The following ZNF676 variants were observed in gnomAD, a reference collection of about 807,000 sequenced individuals.
ZNF676 encodes the protein zinc finger protein 676.
A neutral mutation model predicts 6.0 loss-of-function variants in ZNF676; 4 were observed. The observed-to-expected ratio is 0.67, with a 90% CI of 0.33 to 1.53. The LOEUF is 1.53. ZNF676 is among the 40% of genes most tolerant of loss of function. The pLI is 0.06. For missense variants in ZNF676, 644 were observed against 679.7 expected, an observed-to-expected ratio of 0.95 and a Z score of 0.58; for synonymous variants, 198 against 223.1, an observed-to-expected ratio of 0.89 and a Z score of 1.00.
chr19:22,211,451 G>A (rs2144822806), intron 1 of ZNF676, among the ~76,000 whole-genome samples: 1 of 152,256 alleles, frequency 6.6e-6, no homozygotes, highest in African/African-American at 2.4e-5. Flanking sequence ...TTGAAACTAA[G>A]TGTTTGAAAA....
intron 1 of ZNF676, among the ~76,000 whole-genome samples, chr19:22,206,685 A>G (rs2024079631): frequency 6.6e-6 from 1 of 152,082 alleles, no homozygotes; most frequent in South Asian, 2.1e-4. Flanking sequence ...AAAAAAAAAA[A>G]AGAAATCTTC....
rs74174059 is a variant in ZNF676, at chr19:22,190,630, CATATATATAT to C, written c.130+2376_130+2385del. On this transcript the variant is annotated intron_variant, in intron 2 of 2. Transcript: ENST00000397121. ...ATTAGACTAATAAAATAGAATGCAA[CATATATATAT>C]ATATATATATATATATATATATATA... Among the ~76,000 whole-genome samples the C allele has an allele frequency of 6.8e-3, 454 of 66,812 alleles. 6 individuals are homozygous for C. The highest frequency in any genetic ancestry group is 0.019 in the Middle Eastern group (1 of 52). 43.8% of individuals were successfully genotyped at this position (66,812 alleles called of 152,430 possible). A position where few individuals can be genotyped will look rare whatever the true frequency, so the allele number is the denominator to read the frequency against.
the ZNF676 span, among the ~76,000 whole-genome samples, chr19:22,220,937 A>G: frequency 9.2e-5 from 14 of 152,092 alleles, no homozygotes; most frequent in African/African-American, 3.4e-4. Context: ...TTTTATTTCT[A>G]ATTGAGCATA....
At chr19:22,189,448 A>G (rs1223291868) in intron 2 of ZNF676, among the ~76,000 whole-genome samples, 1 of 152,172 alleles carries the variant, frequency 6.6e-6, no homozygotes, top group Non-Finnish European at 1.5e-5. Flanking sequence ...ACTACTCAGG[A>G]CACAAGCATG....
chr19:22,185,057 C>T lies in ZNF676; in HGVS notation c.131-3471G>A, dbSNP rs118056780. Among the ~76,000 whole-genome samples the T allele has an allele frequency of 4.3e-4, 65 of 152,142 alleles. No individual in the cohort carries two copies. The East Asian group carries it at 0.011, about 27-fold the overall frequency. Reference sequence around the variant, plus strand: ...CCACCTCAAGTTGGTCCCTGACATCCGTGTCTCCTGATTAAGAGACACCTC... The same window carrying T: ...CCACCTCAAGTTGGTCCCTGACATCTGTGTCTCCTGATTAAGAGACACCTC... On this transcript the variant is annotated intron_variant, in intron 2 of 2. Transcript: ENST00000397121.
chr19:22,238,765 G>A, the ZNF676 span, among the ~76,000 whole-genome samples: 1 of 152,170 alleles, frequency 6.6e-6, no homozygotes, highest in South Asian at 2.1e-4. Flanking sequence ...TTCCAAAACT[G>A]AAGAACTTGG....
the ZNF676 span, among the ~76,000 whole-genome samples, chr19:22,248,939 AG>A: frequency 6.6e-6 from 1 of 152,218 alleles, no homozygotes; most frequent in African/African-American, 2.4e-5. Context: ...CATGTTGGTC[AG>A]GCTGGTCTCG....
At position 22,196,760 on chromosome 19, in the gene ZNF676, A is replaced by G; in HGVS notation, c.-127T>C. On this transcript the variant is annotated 5_prime_UTR_variant, in exon 1 of 3. Transcript: ENST00000397121. ...CACACACAAACACATATATTTACCA[A>G]TTGGTCATGGGCAGAACTTTTAATG... The G allele has an allele frequency of 6.4e-7, 1 of 1,561,496 alleles. No individual in the cohort carries two copies. Among genetic ancestry groups the G allele is most frequent in the East Asian group, 2.2e-5 (1 of 44,560 alleles).
the ZNF676 span, among the ~76,000 whole-genome samples, chr19:22,237,217 G>C: frequency 6.6e-6 from 1 of 152,106 alleles, no homozygotes; most frequent in Admixed American, 6.6e-5. Flanking sequence ...GGCATTTCCA[G>C]CTCACTCACA....
the ZNF676 span, among the ~76,000 whole-genome samples, chr19:22,228,736 G>C: frequency 5.3e-5 from 8 of 152,158 alleles, no homozygotes; most frequent in Non-Finnish European, 8.8e-5. Flanking sequence ...GCCAAATCAT[G>C]ACTGAGCTCC....
chr19:22,182,224 G>A (rs1415684343), intron 2 of ZNF676, among the ~76,000 whole-genome samples: 1 of 151,916 alleles, frequency 6.6e-6, no homozygotes, highest in African/African-American at 2.4e-5. Flanking sequence ...AGACAAACCT[G>A]AAGATGTTTG....
At chr19:22,223,585 A>G in the ZNF676 span, among the ~76,000 whole-genome samples, 2 of 150,310 alleles carry the variant, frequency 1.3e-5, no homozygotes, top group Admixed American at 1.3e-4. Context: ...CCTATTTCAA[A>G]TTTCTCTGTT....
intron 1 of ZNF676, among the ~76,000 whole-genome samples, chr19:22,213,126 A>C (rs2024147340): frequency 6.6e-6 from 1 of 152,156 alleles, no homozygotes; most frequent in South Asian, 2.1e-4. Context: ...CAGCCACCCC[A>C]TCCTGTTCAC....
At chr19:22,212,431 T>G (rs919888050) in intron 1 of ZNF676, among the ~76,000 whole-genome samples, 4 of 152,156 alleles carry the variant, frequency 2.6e-5, no homozygotes, top group East Asian at 1.9e-4. Context: ...CCGGGCACAG[T>G]GGCTCACACC....
At chr19:22,250,607 G>GT in the ZNF676 span, among the ~76,000 whole-genome samples, 34 of 151,582 alleles carry the variant, frequency 2.2e-4, 1 homozygote, top group African/African-American at 5.8e-4. Flanking sequence ...TTGTTTGTTT[G>GT]TTTTTTGGTC....
In ZNF676 at chr19:22,179,572, GGGTTGAGAACTAATGAAAA is replaced by G; in HGVS notation, c.*359_*377del. ...GTATAAATTCCCTTATGTTCAGTAA[GGGTTGAGAACTAATGAAAA>G]GCTTTGCCACGTTTTTCACATTTGT... On this transcript the variant is annotated 3_prime_UTR_variant, in exon 3 of 3. Coordinates refer to ENST00000397121, the MANE Select transcript of ZNF676 (RefSeq NM_001001411.3). 1 of 443,382 alleles carries G rather than the reference GGGTTGAGAACTAATGAAAA, an allele frequency of 2.3e-6. No homozygotes were observed. The highest frequency in any genetic ancestry group is 3.4e-4 in the Middle Eastern group (1 of 2,928). 27.5% of individuals were successfully genotyped at this position (443,382 alleles called of 1,614,324 possible).
At chr19:22,232,403 TGATCTG>T in the ZNF676 span, among the ~76,000 whole-genome samples, 1 of 152,160 alleles carries the variant, frequency 6.6e-6, no homozygotes, top group Non-Finnish European at 1.5e-5. Context: ...CTTGACCTTG[TGATCTG>T]CCTGCCTTGT....
At chr19:22,188,369 A>G (rs576114012) in intron 2 of ZNF676, among the ~76,000 whole-genome samples, 11 of 152,294 alleles carry the variant, frequency 7.2e-5, no homozygotes, top group African/African-American at 1.9e-4. Context: ...TCTCAAAATA[A>G]TAAGATGTAT....
the ZNF676 span, among the ~76,000 whole-genome samples, chr19:22,247,423 G>A: frequency 6.6e-6 from 1 of 152,030 alleles, no homozygotes; most frequent in Non-Finnish European, 1.5e-5. Flanking sequence ...AACTAGCTGG[G>A]CGTGTTGACA....
Sources: allele counts gnomAD v4.1 joint callset (sites outside exome capture counted in the v4.1 genomes callset), GRCh38; gene constraint gnomAD v4.1.1; transcripts MANE v1.5; gene names NCBI Gene and HGNC (gene_info 2026-07-23, HGNC 2026-07-21).